PCDHGA6: variants seen among roughly 807,000 people sequenced by gnomAD.
PCDHGA6 encodes the protein protocadherin gamma-A6.
In PCDHGA6, 41 loss-of-function variants were observed where a neutral mutation model predicts 60.6. The ratio of observed to expected loss-of-function variants is 0.68; its 90% CI spans 0.53 to 0.88. The LOEUF (loss-of-function observed/expected upper bound fraction) is 0.88. Among genes scored for constraint, PCDHGA6 ranks in the 40% least tolerant of loss-of-function variants. The pLI is 0.00. For synonymous variants in PCDHGA6, 594 were observed against 524.4 expected, an observed-to-expected ratio of 1.13 and a Z score of -1.81; for missense variants, 1,312 against 1,203.0, an observed-to-expected ratio of 1.09 and a Z score of -1.34.
chr5:141,432,503 G>T lies in PCDHGA6; in HGVS notation c.2424+55996G>T, dbSNP rs939325676. 8.7e-6 allele frequency: 14 copies of T among 1,613,988 alleles called. No homozygotes were observed. The highest frequency in any genetic ancestry group is 1.3e-5 in the African/African-American group (1 of 74,930). ...TGGCGTGGAGCTGGCTCCCCGCTCC[G>T]CAGAGCCCGGCTACCTGGTGACCAA... On this transcript the variant is annotated intron_variant, in intron 1 of 3. Transcript: ENST00000517434. The surrounding 1 kb of genome is among the most constrained non-coding windows in gnomAD (Gnocchi z 6.0).
intron 1 of PCDHGA6, chr5:141,418,613 C>T (rs759701663): frequency 9.9e-6 from 16 of 1,613,892 alleles, no homozygotes; most frequent in Non-Finnish European, 1.4e-5. Context: ...GGTTAGCCTT[C>T]GGGAAGACGT....
At chr5:141,380,525 A>T (rs904711647) in intron 1 of PCDHGA6, among the ~76,000 whole-genome samples, 3 of 152,206 alleles carry the variant, frequency 2.0e-5, no homozygotes, top group Non-Finnish European at 1.5e-5. Context: ...CTATGAAATG[A>T]TTTCAATTTG....
chr5:141,453,050 C>A (rs2098754757), intron 1 of PCDHGA6, among the ~76,000 whole-genome samples: 3 of 152,006 alleles, frequency 2.0e-5, no homozygotes, highest in Non-Finnish European at 4.4e-5. Context: ...CTATTATGTG[C>A]AGTTTTAGAG....
rs777990962 is a variant in PCDHGA6, at chr5:141,431,580, A to T, written c.2424+55073A>T. ...GCTACCGACCCTGACGAAGGAGTCA[A>T]TGCGGAAGTGAGGTATTCCTTCCGG... is the stretch of plus-strand genomic sequence containing the variant. On this transcript the variant is annotated intron_variant, in intron 1 of 3. Coordinates refer to ENST00000517434, the MANE Select transcript of PCDHGA6 (RefSeq NM_018919.3). The surrounding 1 kb of genome is among the most constrained non-coding windows in gnomAD (Gnocchi z 4.8). The T allele has an allele frequency of 6.2e-7, 1 of 1,614,216 alleles. No individual in the cohort carries two copies.
intron 1 of PCDHGA6, chr5:141,416,636 C>A (rs2096047139): frequency 6.6e-6 from 1 of 152,066 alleles, no homozygotes; most frequent in South Asian, 2.1e-4. Context: ...AATATAAACA[C>A]CAACCACAGC....
At chr5:141,502,406 T>G (rs1390520101) in intron 2 of PCDHGA6, among the ~76,000 whole-genome samples, 1 of 152,072 alleles carries the variant, frequency 6.6e-6, no homozygotes, top group African/African-American at 2.4e-5. Context: ...TCCCCGAACC[T>G]GGATTTGCTG....
At chr5:141,472,980 C>CAAAAAAAAAAAAAAAAAAAAAAAA (rs60579131) in intron 1 of PCDHGA6, among the ~76,000 whole-genome samples, 7 of 86,078 alleles carry the variant, frequency 8.1e-5, no homozygotes, top group African/African-American at 1.9e-4. Context: ...GAGTGAAACT[C>CAAAAAAAAAAAAAAAAAAAAAAAA]AAAAAAAAAA....
intron 1 of PCDHGA6, chr5:141,421,544 A>G (rs2096582597): frequency 6.2e-7 from 1 of 1,613,912 alleles, no homozygotes; most frequent in African/African-American, 1.3e-5. Context: ...TGTTTTTTAA[A>G]TATGGAACTT....
chr5:141,428,082 G>A lies in PCDHGA6; in HGVS notation c.2424+51575G>A, dbSNP rs776612130. 2.5e-6 allele frequency: 4 copies of A among 1,609,030 alleles called. No individual in the cohort carries two copies. In the African/African-American group the frequency reaches 5.3e-5, roughly 21 times the overall value. On this transcript the variant is annotated intron_variant, in intron 1 of 3. Transcript: ENST00000517434. ...GGTGGACGCAGATTCGGGACACAACGCTTGGCTGTCCTACCACGTGCTGCA... is the reference window on the plus strand; with the variant it reads ...GGTGGACGCAGATTCGGGACACAACACTTGGCTGTCCTACCACGTGCTGCA...
At chr5:141,488,011 T>C (rs1424799954) in intron 1 of PCDHGA6, among the ~76,000 whole-genome samples, 1 of 152,182 alleles carries the variant, frequency 6.6e-6, no homozygotes, top group Non-Finnish European at 1.5e-5. Context: ...GATTCTGAAG[T>C]ACCTTAACTC....
At chr5:141,419,411 C>T (rs757881409) in intron 1 of PCDHGA6, 7 of 1,613,344 alleles carry the variant, frequency 4.3e-6, no homozygotes, top group Non-Finnish European at 5.9e-6. Flanking sequence ...GTTCGCGCAG[C>T]GCGCCTTCGA....
chr5:141,383,979 A>C (rs1388219452), intron 1 of PCDHGA6: 1 of 1,613,678 alleles, frequency 6.2e-7, no homozygotes, highest in Non-Finnish European at 8.5e-7. Context: ...CTGAAGACAC[A>C]CCTCTTGGGA....
chr5:141,487,256 G>A lies in PCDHGA6; in HGVS notation c.2425-7551G>A. ...ATCTCGTCTAACCCTCTACTTGGCTGTGTCCCTAGTGGCAATTTGCTTTGT... is the reference window on the plus strand; with the variant it reads ...ATCTCGTCTAACCCTCTACTTGGCTATGTCCCTAGTGGCAATTTGCTTTGT... On this transcript the variant is annotated intron_variant, in intron 1 of 3. Transcript: ENST00000517434. The surrounding 1 kb of genome is among the most constrained non-coding windows in gnomAD (Gnocchi z 5.0). The A allele has an allele frequency of 6.2e-7, 1 of 1,614,166 alleles. No individual in the cohort carries two copies. The highest frequency in any genetic ancestry group is 8.5e-7 in the Non-Finnish European group (1 of 1,180,032).
chr5:141,425,795 T>A (rs2096894407), intron 1 of PCDHGA6, among the ~76,000 whole-genome samples: 1 of 152,244 alleles, frequency 6.6e-6, no homozygotes, highest in Non-Finnish European at 1.5e-5. Flanking sequence ...TTCCAATATG[T>A]GCATTGCTTC....
At position 141,487,578 on chromosome 5, in the gene PCDHGA6, C is replaced by T. The variant is rs1293087014; in HGVS notation, c.2425-7229C>T. The T allele has an allele frequency of 1.2e-6, 2 of 1,614,052 alleles. No individual in the cohort carries two copies. Among genetic ancestry groups the T allele is most frequent in the Non-Finnish European group, 1.7e-6 (2 of 1,180,044 alleles). ...CCTATGGCAGGGGAGCCTGTTCGCC[C>T]AAGCTGCCCACCCTCTGATCTTCTC... On this transcript the variant is annotated intron_variant, in intron 1 of 3. Coordinates refer to ENST00000517434, the MANE Select transcript of PCDHGA6 (RefSeq NM_018919.3). The surrounding 1 kb of genome is among the most constrained non-coding windows in gnomAD (Gnocchi z 5.0).
At chr5:141,394,158 C>T in intron 1 of PCDHGA6, 1 of 1,613,844 alleles carries the variant, frequency 6.2e-7, no homozygotes, top group East Asian at 2.2e-5. Flanking sequence ...TAACGACAAC[C>T]CTCCTACTTT....
At chr5:141,383,574 C>CG in intron 1 of PCDHGA6, 1 of 1,613,366 alleles carries the variant, frequency 6.2e-7, no homozygotes, top group African/African-American at 1.3e-5. Flanking sequence ...GATCCAGCAC[C>CG]GCCCACATCC....
chr5:141,413,599 C>G, intron 1 of PCDHGA6: 2 of 1,613,830 alleles, frequency 1.2e-6, no homozygotes, highest in East Asian at 2.2e-5. Flanking sequence ...AGCAGAAAAT[C>G]TAGACGTAAA....
intron 1 of PCDHGA6, among the ~76,000 whole-genome samples, chr5:141,444,872 G>T (rs2098449555): frequency 6.6e-6 from 1 of 152,120 alleles, no homozygotes. Context: ...ACAGGACAAA[G>T]CTTGTAGGAT....
Sources: gnomAD v4.1 joint callset for allele counts (sites outside exome capture counted in the v4.1 genomes callset) on GRCh38, gnomAD v4.1.1 for gene constraint, Gnocchi (gnomAD v3.1) non-coding constraint, MANE v1.5 for transcripts, NCBI Gene and HGNC (gene_info 2026-07-23, HGNC 2026-07-21) for gene names.